Variants in RCOR1 observed in about 807,000 individuals in gnomAD.
RCOR1 encodes the protein REST corepressor.
RCOR1 carries 12 observed loss-of-function variants against 64.0 expected under a neutral mutation model. That is an observed-to-expected ratio of 0.19 (90% CI 0.12 to 0.30). The LOEUF (loss-of-function observed/expected upper bound fraction) is 0.30. RCOR1 is among the 10% of genes least tolerant of loss of function. RCOR1 has a pLI of 1.00. For synonymous variants in RCOR1, 279 were observed against 227.2 expected (o/e 1.23, Z -2.05); for missense variants, 502 against 621.2 (o/e 0.81, Z 2.04).
At chr14:102,636,520 A>G (rs958578083) in intron 2 of RCOR1, among the ~76,000 whole-genome samples, 2 of 150,220 alleles carry the variant, frequency 1.3e-5, no homozygotes, top group Non-Finnish European at 3.0e-5. Context: ...ACCTCAGGCT[A>G]TTTCTTCCCC....
intron 2 of RCOR1, among the ~76,000 whole-genome samples, chr14:102,668,196 G>C (rs1894955897): frequency 6.6e-6 from 1 of 152,128 alleles, no homozygotes; most frequent in Non-Finnish European, 1.5e-5. Flanking sequence ...TCACCCTGGA[G>C]GTGTAAAACA....
chr14:102,727,142 C>A lies in RCOR1; in HGVS notation c.*636C>A, dbSNP rs986140593. The A allele has an allele frequency of 6.6e-6, 1 of 152,220 alleles. No homozygotes were observed. Among genetic ancestry groups the A allele is most frequent in the Non-Finnish European group, 1.5e-5 (1 of 68,062 alleles). 9.4% of individuals were successfully genotyped at this position (152,220 alleles called of 1,614,324 possible). On this transcript the variant is annotated 3_prime_UTR_variant, in exon 12 of 12. Coordinates refer to ENST00000262241, the MANE Select transcript of RCOR1 (RefSeq NM_015156.4). ...GTTGGCTTAAATCTCCCTCTTCTCC[C>A]TTCCCAAGTGTTACAAAGATCATTT...
Position 102,714,416 on chromosome 14 carries a change from C to CATA in RCOR1, c.859-5_859-4insAAT. ...AGTTTCATTCATCACCTGTGTATATCATGCAGGTTCCCCCTACTGAGACAG... is the reference window on the plus strand; with the variant it reads ...AGTTTCATTCATCACCTGTGTATATCATAATGCAGGTTCCCCCTACTGAGACAG... On this transcript the variant is annotated splice_polypyrimidine_tract_variant and splice_region_variant and intron_variant, in intron 7 of 11. Transcript: ENST00000262241. The CATA allele has an allele frequency of 6.3e-7, 1 of 1,584,018 alleles. No homozygotes were observed. The highest frequency in any genetic ancestry group is 8.6e-7 in the Non-Finnish European group (1 of 1,161,998).
At position 102,632,798 on chromosome 14, in the gene RCOR1, C is replaced by T. The variant is rs574820349; in HGVS notation, c.361+39473C>T. Among the ~76,000 whole-genome samples the T allele has an allele frequency of 5.9e-3, 707 of 119,856 alleles. 11 individuals are homozygous for T. The highest frequency in any genetic ancestry group is 9.4e-3 in the Admixed American group (98 of 10,398). 78.6% of individuals were successfully genotyped at this position (119,856 alleles called of 152,430 possible). A position where few individuals can be genotyped will look rare whatever the true frequency, so the allele number is the denominator to read the frequency against. On this transcript the variant is annotated intron_variant, in intron 2 of 11. Coordinates refer to ENST00000262241, the MANE Select transcript of RCOR1 (RefSeq NM_015156.4). ...TCCTCCCCTCTCCTCTCTCCTCTCTCGTCTCTCCTCTCCTCTTTCTTTTCT... is the reference window on the plus strand; with the variant it reads ...TCCTCCCCTCTCCTCTCTCCTCTCTTGTCTCTCCTCTCCTCTTTCTTTTCT...
intron 2 of RCOR1, among the ~76,000 whole-genome samples, chr14:102,620,543 A>T (rs1893853441): frequency 6.6e-6 from 1 of 152,086 alleles, no homozygotes; most frequent in African/African-American, 2.4e-5. Context: ...CTTCAGCATC[A>T]ACAAGAGCGA....
chr14:102,726,659 C>T lies in RCOR1; in HGVS notation c.*153C>T. On this transcript the variant is annotated 3_prime_UTR_variant, in exon 12 of 12. Coordinates refer to ENST00000262241, the MANE Select transcript of RCOR1 (RefSeq NM_015156.4). ...TACTTCCAGTCCTGTGCTCCATCTGCCTTAATTCTTTGCTCGTTCCTCCAT... is the reference window on the plus strand; with the variant it reads ...TACTTCCAGTCCTGTGCTCCATCTGTCTTAATTCTTTGCTCGTTCCTCCAT... 1.6e-6 allele frequency: 1 copy of T among 639,258 alleles called. No individual in the cohort carries two copies. The highest frequency in any genetic ancestry group is 2.7e-6 in the Non-Finnish European group (1 of 376,568). The allele number at this position is 639,258 out of a possible 1,614,324, so 39.6% of individuals were successfully genotyped here. A position where few individuals can be genotyped will look rare whatever the true frequency, so the allele number is the denominator to read the frequency against.
chr14:102,597,620 C>CGCA, intron 2 of RCOR1, among the ~76,000 whole-genome samples: 1 of 136,468 alleles, frequency 7.3e-6, no homozygotes, highest in African/African-American at 2.7e-5. Flanking sequence ...TGAGCCACTG[C>CGCA]GCCCGACCTT....
chr14:102,660,117 T>G (rs1445540707), intron 2 of RCOR1, among the ~76,000 whole-genome samples: 1 of 152,184 alleles, frequency 6.6e-6, no homozygotes, highest in Non-Finnish European at 1.5e-5. Context: ...TTGAAATAAT[T>G]TTTCCAGTGT....
At position 102,613,622 on chromosome 14, in the gene RCOR1, C is replaced by T. The variant is rs1262092631; in HGVS notation, c.361+20297C>T. 7.3e-5 allele frequency among the ~76,000 whole-genome samples: 11 copies of T among 151,386 alleles called. No individual in the cohort carries two copies. The East Asian group carries it at 2.1e-3, about 30-fold the overall frequency. On this transcript the variant is annotated intron_variant, in intron 2 of 11. Coordinates refer to ENST00000262241, the MANE Select transcript of RCOR1 (RefSeq NM_015156.4). ...TAATTTTTTGTATTTTTAGTAGAGA[C>T]GGGGTTTCACCATGGTCTCGATCTC... is the stretch of plus-strand genomic sequence containing the variant.
At chr14:102,645,469 G>A (rs1405315777) in intron 2 of RCOR1, among the ~76,000 whole-genome samples, 3 of 152,036 alleles carry the variant, frequency 2.0e-5, no homozygotes, top group Admixed American at 6.6e-5. Context: ...AGACAACAGG[G>A]GACCCTTTTC....
intron 2 of RCOR1, among the ~76,000 whole-genome samples, chr14:102,594,128 G>A (rs3825565): frequency 0.8 from 121,118 of 152,140 alleles, 48,466 homozygotes; most frequent in Middle Eastern, 0.87. Flanking sequence ...AAAAAAATCC[G>A]ATCAGACAAA....
At chr14:102,614,059 C>A (rs892511277) in intron 2 of RCOR1, among the ~76,000 whole-genome samples, 3 of 151,498 alleles carry the variant, frequency 2.0e-5, no homozygotes, top group African/African-American at 7.3e-5. Flanking sequence ...CTACACCCGG[C>A]TGATTTTGTA....
At chr14:102,712,700 G>GACC (rs1895985558) in intron 7 of RCOR1, among the ~76,000 whole-genome samples, 2 of 149,346 alleles carry the variant, frequency 1.3e-5, no homozygotes, top group African/African-American at 4.9e-5. Context: ...CACCAAATTG[G>GACC]AAATTGGTCG....
intron 2 of RCOR1, among the ~76,000 whole-genome samples, chr14:102,650,158 A>G (rs1192996942): frequency 6.7e-6 from 1 of 148,820 alleles, no homozygotes; most frequent in Non-Finnish European, 1.5e-5. Context: ...AGATCGCACC[A>G]CTGCACTCCA....
intron 8 of RCOR1, among the ~76,000 whole-genome samples, chr14:102,715,999 GATT>G (rs1344648887): frequency 4.6e-5 from 7 of 152,172 alleles, no homozygotes; most frequent in South Asian, 2.1e-4. Flanking sequence ...GGCATCACCA[GATT>G]ACCTCACAGG....
intron 2 of RCOR1, among the ~76,000 whole-genome samples, chr14:102,637,972 C>G (rs545643577): frequency 4.6e-5 from 7 of 152,252 alleles, no homozygotes; most frequent in African/African-American, 1.7e-4. Flanking sequence ...GTTTGATTAT[C>G]CATTTCTTTT....
chr14:102,697,065 C>G (rs1181485786), intron 3 of RCOR1, among the ~76,000 whole-genome samples: 1 of 152,034 alleles, frequency 6.6e-6, no homozygotes, highest in Non-Finnish European at 1.5e-5. Flanking sequence ...TTAAAGAAAA[C>G]AAAAGCTGAG....
At chr14:102,723,784 T>G (rs1896209792) in intron 11 of RCOR1, among the ~76,000 whole-genome samples, 1 of 152,154 alleles carries the variant, frequency 6.6e-6, no homozygotes, top group Non-Finnish European at 1.5e-5. Flanking sequence ...AAAGCTTGCT[T>G]CTTGTGTGTG....
chr14:102,635,519 G>A (rs1037339919), intron 2 of RCOR1, among the ~76,000 whole-genome samples: 3 of 151,956 alleles, frequency 2.0e-5, no homozygotes, highest in South Asian at 4.2e-4. Flanking sequence ...AGAAATGGAA[G>A]CAATGTATAT....
Sources: allele counts gnomAD v4.1 joint callset (sites outside exome capture counted in the v4.1 genomes callset), GRCh38; gene constraint gnomAD v4.1.1; transcripts MANE v1.5; gene names NCBI Gene and HGNC (gene_info 2026-07-23, HGNC 2026-07-21).